The following UTP14A variants were observed in gnomAD, a reference collection of about 807,000 sequenced individuals.
The protein encoded by UTP14A is U3 small nucleolar RNA-associated protein 14 homolog A.
In UTP14A, 5 loss-of-function variants were observed where a neutral mutation model predicts 57.2. The observed-to-expected ratio is 0.09, with a 90% CI of 0.05 to 0.18. The LOEUF (loss-of-function observed/expected upper bound fraction) is 0.18, where lower values mean the gene tolerates loss of function less well. Among genes scored for constraint, UTP14A ranks in the 10% least tolerant of loss-of-function variants. The probability of loss-of-function intolerance (pLI) is 1.00; values close to 1 mark genes in which losing one functional copy is unlikely to be tolerated. For synonymous variants in UTP14A, 169 were observed against 210.9 expected (o/e 0.80, Z 1.72); for missense variants, 430 against 562.1 (o/e 0.76, Z 2.38).
intron 1 of UTP14A, among the ~76,000 whole-genome samples, chrX:129,906,895 T>A (rs1255775335): frequency 5.4e-5 from 6 of 111,034 alleles, no homozygotes; most frequent in African/African-American, 2.0e-4. Context: ...AGGCTGCCTA[T>A]CAATGAGTCA....
chrX:129,907,291 A>G, intron 1 of UTP14A, 76 bp from the exon 2 acceptor site: 1 of 802,497 alleles, frequency 1.2e-6, no homozygotes, highest in Non-Finnish European at 1.8e-6. Flanking sequence ...GACTTTTATT[A>G]TAATTAAGGG....
At chrX:129,912,007 A>G (rs1929491432) in intron 6 of UTP14A, 86 bp downstream of exon 6, 1 of 1,095,497 alleles carries the variant, frequency 9.1e-7, no homozygotes, top group Non-Finnish European at 1.2e-6. Flanking sequence ...GGACATGTTA[A>G]GCTAAACCCC....
chrX:129,911,322 T>C (rs995793109), intron 5 of UTP14A, among the ~76,000 whole-genome samples, 172 bp downstream of exon 5: 7 of 110,675 alleles, frequency 6.3e-5, no homozygotes, highest in Non-Finnish European at 1.1e-4. Flanking sequence ...GTGGCTCACG[T>C]CTGTAATCCC....
At chrX:129,909,936 T>C (rs1265517978) in intron 4 of UTP14A, among the ~76,000 whole-genome samples, 1 of 112,252 alleles carries the variant, frequency 8.9e-6, no homozygotes, top group African/African-American at 3.2e-5. Flanking sequence ...GGAACTGTTG[T>C]AGATACCAAG....
intron 6 of UTP14A, among the ~76,000 whole-genome samples, chrX:129,914,283 T>C (rs1929594261): frequency 9.0e-6 from 1 of 111,210 alleles, no homozygotes; most frequent in Non-Finnish European, 1.9e-5. Context: ...AGAAACTGAA[T>C]ATCAAGTCTC....
chrX:129,906,259 G>A (rs763013726), intron 1 of UTP14A, 23 bp downstream of exon 1: 31 of 1,194,398 alleles, frequency 2.6e-5, no homozygotes, highest in Middle Eastern at 2.3e-4. Flanking sequence ...GAGGGGAGGG[G>A]GGATTCTGGG....
intron 6 of UTP14A, among the ~76,000 whole-genome samples, chrX:129,913,873 A>AG (rs1374005502): frequency 3.6e-5 from 4 of 111,286 alleles, no homozygotes; most frequent in Non-Finnish European, 5.7e-5. Context: ...CCCAGCTACT[A>AG]GGGGGGCTGA....
chrX:129,909,273 G>C (rs1373822524), intron 4 of UTP14A, among the ~76,000 whole-genome samples: 1 of 102,158 alleles, frequency 9.8e-6, no homozygotes, highest in Non-Finnish European at 2.0e-5. Flanking sequence ...GCAGTGGTGC[G>C]ATCTTGGCTC....
intron 4 of UTP14A, among the ~76,000 whole-genome samples, chrX:129,909,556 C>G (rs977534961): frequency 9.0e-6 from 1 of 111,211 alleles, no homozygotes; most frequent in Non-Finnish European, 1.9e-5. Context: ...TGCCCCTTCC[C>G]CAGGAAATCA....
At chrX:129,926,754 A>G (rs1305849230) in intron 14 of UTP14A, among the ~76,000 whole-genome samples, 1 of 111,850 alleles carries the variant, frequency 8.9e-6, no homozygotes, top group Admixed American at 9.5e-5. Context: ...ATAAAGTAGA[A>G]GTTAGAGGAC....
At chrX:129,920,353 T>C in intron 8 of UTP14A, 104 bp from the exon 9 acceptor site, 3 of 1,129,641 alleles carry the variant, frequency 2.7e-6, no homozygotes, top group Admixed American at 4.5e-5. Context: ...ATGATGCCCA[T>C]TCCAGCCCCC....
At chrX:129,912,364 G>A (rs1057498788) in intron 6 of UTP14A, among the ~76,000 whole-genome samples, 1 of 108,422 alleles carries the variant, frequency 9.2e-6, no homozygotes, top group Non-Finnish European at 1.9e-5. Flanking sequence ...CAAATGATCC[G>A]CCCACCTCAG....
At chrX:129,912,312 G>A (rs1406355414) in intron 6 of UTP14A, among the ~76,000 whole-genome samples, 3 of 108,004 alleles carry the variant, frequency 2.8e-5, no homozygotes, top group African/African-American at 1.0e-4. Context: ...GTAGAGATGG[G>A]GTTTCACCAT....
intron 3 of UTP14A, 74 bp from the exon 4 acceptor site, chrX:129,908,596 A>G: frequency 1.1e-6 from 1 of 950,392 alleles, no homozygotes; most frequent in Middle Eastern, 2.6e-4. Flanking sequence ...TGAAGAGAGA[A>G]GTGTTTGTCT....
Position 129,924,856 on chromosome X carries a change from C to T in UTP14A, c.1410C>T (p.Asn470=), listed in dbSNP as rs1569340656. The change falls in exon 12 of 15, where the codon AAC becomes AAT. Residue 470 remains asparagine, a synonymous_variant. Transcript: ENST00000394422. Reference sequence around the variant, plus strand: ...TACTATCTCAGAAATTGAAGGAAAACCATCAGTCCAGGAAGCAAAAAGCAA... The same window carrying T: ...TACTATCTCAGAAATTGAAGGAAAATCATCAGTCCAGGAAGCAAAAAGCAA... ...LRVLSQKLKE[N]HQSRKQKASS... The T allele has an allele frequency of 3.3e-6, 4 of 1,209,543 alleles. No homozygotes were observed. The East Asian group carries it at 1.2e-4, about 36-fold the overall frequency.
At chrX:129,925,846 C>T in intron 12 of UTP14A, 73 bp from the exon 13 acceptor site, 3 of 1,159,351 alleles carry the variant, frequency 2.6e-6, no homozygotes, top group South Asian at 1.9e-5. Context: ...ATGTCACGAC[C>T]CGAAATTCAA....
In UTP14A at chrX:129,925,903, G is replaced by A. The variant is rs1298989389; in HGVS notation, c.1750-16G>A. 13 of 1,206,867 alleles carry A rather than the reference G, an allele frequency of 1.1e-5. No homozygotes were observed. Among genetic ancestry groups the A allele is most frequent in the Non-Finnish European group, 1.2e-5 (11 of 893,897 alleles). ...GCTCATAAGCCAAGCTGTAGCTCTC[G>A]CTTGTTTCTTCCCAGGAAGATGAAG... On this transcript the variant is annotated splice_polypyrimidine_tract_variant and intron_variant, in intron 12 of 14. Coordinates refer to ENST00000394422, the MANE Select transcript of UTP14A (RefSeq NM_006649.4).
At chrX:129,910,388 G>A (rs771550725) in intron 4 of UTP14A, among the ~76,000 whole-genome samples, 1 of 111,120 alleles carries the variant, frequency 9.0e-6, no homozygotes, top group Non-Finnish European at 1.9e-5. Context: ...TTATATTTTC[G>A]AAAGATAATT....
At chrX:129,918,923 T>G (rs1475446210) in intron 6 of UTP14A, among the ~76,000 whole-genome samples, 1 of 110,629 alleles carries the variant, frequency 9.0e-6, no homozygotes, top group African/African-American at 3.3e-5. Flanking sequence ...CTGAACACAG[T>G]GATCCCCCTC....
Sources: gnomAD v4.1 joint callset for allele counts (sites outside exome capture counted in the v4.1 genomes callset) on GRCh38, gnomAD v4.1.1 for gene constraint, MANE v1.5 for transcripts, NCBI Gene and HGNC (gene_info 2026-07-23, HGNC 2026-07-21) for gene names.